CLTCL1: variants seen among roughly 807,000 people sequenced by gnomAD.
CLTCL1 encodes clathrin heavy chain like 1.
In CLTCL1, 159 loss-of-function variants were observed where a neutral mutation model predicts 190.0. That is an observed-to-expected ratio of 0.84 (90% confidence interval 0.74 to 0.95). CLTCL1 has a LOEUF of 0.95. CLTCL1 is among the 40% of genes least tolerant of loss of function. The probability of loss-of-function intolerance (pLI) is 0.00; values close to 1 mark genes in which losing one functional copy is unlikely to be tolerated. For synonymous variants in CLTCL1, 752 were observed against 769.6 expected (o/e 0.98, Z 0.38); for missense variants, 1,878 against 2,033.4 (o/e 0.92, Z 1.47).
Position 19,194,839 on chromosome 22 carries a change from G to A in CLTCL1, c.4191+1427C>T, listed in dbSNP as rs148865143. On this transcript the variant is annotated intron_variant, in intron 26 of 32. Coordinates refer to ENST00000427926, the MANE Select transcript of CLTCL1 (RefSeq NM_007098.4). ...GTGCCCCAAATACAGATTGGATGTC[G>A]TCCATCTGATTGGACCCCTGCACTG... Among the ~76,000 whole-genome samples, 700 of 152,264 alleles carry A rather than the reference G, an allele frequency of 4.6e-3. 5 individuals are homozygous for A. Among genetic ancestry groups the A allele is most frequent in the African/African-American group, 0.016 (655 of 41,542 alleles).
intron 26 of CLTCL1, among the ~76,000 whole-genome samples, chr22:19,194,928 GTA>G (rs2084648345): frequency 6.6e-6 from 1 of 152,214 alleles, no homozygotes; most frequent in African/African-American, 2.4e-5. Flanking sequence ...ACGGCAGGGT[GTA>G]GTAGAAGCAT....
intron 2 of CLTCL1, among the ~76,000 whole-genome samples, chr22:19,270,455 C>T (rs948554098): frequency 2.0e-5 from 3 of 150,824 alleles, no homozygotes; most frequent in Non-Finnish European, 2.9e-5. Context: ...TGGTCGGGCA[C>T]GGTGGCTCAT....
At chr22:19,202,511 G>GTCAT (rs1555940409) in intron 22 of CLTCL1, among the ~76,000 whole-genome samples, 3 of 35,678 alleles carry the variant, frequency 8.4e-5, no homozygotes, top group Admixed American at 4.2e-4. Context: ...CCCTCCTTCC[G>GTCAT]CCATCACGGC....
intron 18 of CLTCL1, among the ~76,000 whole-genome samples, chr22:19,218,080 G>A (rs1453603406): frequency 1.3e-5 from 2 of 152,192 alleles, no homozygotes; most frequent in Non-Finnish European, 2.9e-5. Flanking sequence ...GATTACAGGA[G>A]CATTGCAGTT....
At chr22:19,196,798 A>G (rs2084724873) in intron 24 of CLTCL1, 142 bp from the exon 25 acceptor site, 2 of 890,682 alleles carry the variant, frequency 2.2e-6, no homozygotes, top group Admixed American at 2.7e-5. Flanking sequence ...ACGTGTATAC[A>G]TACTGTGCTA....
At chr22:19,254,500 T>A (rs2086690940) in intron 2 of CLTCL1, among the ~76,000 whole-genome samples, 2 of 152,236 alleles carry the variant, frequency 1.3e-5, no homozygotes, top group Admixed American at 6.5e-5. Flanking sequence ...AGAAATTAGT[T>A]CTACTGAAGC....
chr22:19,278,129 T>C (rs1343180468), intron 1 of CLTCL1, among the ~76,000 whole-genome samples: 4 of 152,160 alleles, frequency 2.6e-5, no homozygotes, highest in Non-Finnish European at 5.9e-5. Context: ...GGGACCTCCA[T>C]GTGTTCAGCT....
chr22:19,186,550 C>G (rs1402975691), intron 29 of CLTCL1, among the ~76,000 whole-genome samples: 1 of 152,128 alleles, frequency 6.6e-6, no homozygotes, highest in Non-Finnish European at 1.5e-5. Flanking sequence ...CAGGTGCACA[C>G]AACCGTACCC....
At chr22:19,211,392 G>A (rs117761128) in intron 19 of CLTCL1, among the ~76,000 whole-genome samples, 83 of 152,260 alleles carry the variant, frequency 5.5e-4, no homozygotes, top group Non-Finnish European at 9.8e-4. Context: ...TGGAGGTTCT[G>A]GTTAAGGCAT....
In CLTCL1 at chr22:19,259,402, G is replaced by GAAC. The variant is rs1229805326; in HGVS notation, c.251-5178_251-5176dup. Among the ~76,000 whole-genome samples, 3 of 151,412 alleles carry GAAC rather than the reference G, an allele frequency of 2.0e-5. No homozygotes were observed. The East Asian group carries it at 5.8e-4, about 29-fold the overall frequency. On this transcript the variant is annotated intron_variant, in intron 2 of 32. Transcript: ENST00000427926. Reference sequence around the variant, plus strand: ...ATTACAGGCGTTTTTTTTGTTTTGTGAACAACAACAACAAAAAAAATCAAA... The same window carrying GAAC: ...ATTACAGGCGTTTTTTTTGTTTTGTGAACAACAACAACAACAAAAAAAATCAAA...
chr22:19,221,829 G>A lies in CLTCL1; in HGVS notation c.2561+122C>T. On this transcript the variant is annotated intron_variant, in intron 16 of 32. Coordinates refer to ENST00000427926, the MANE Select transcript of CLTCL1 (RefSeq NM_007098.4). ...CAGTACCAATAGCAAGTAACTCATT[G>A]CTACATCTAAGATGTGTACATGAAC... 8 of 1,143,520 alleles carry A rather than the reference G, an allele frequency of 7.0e-6. No homozygotes were observed. The South Asian group carries it at 1.2e-4, about 18-fold the overall frequency. The allele number at this position is 1,143,520 out of a possible 1,614,324, so 70.8% of individuals were successfully genotyped here.
chr22:19,245,838 A>T, intron 3 of CLTCL1, among the ~76,000 whole-genome samples: 1 of 152,202 alleles, frequency 6.6e-6, no homozygotes, highest in Non-Finnish European at 1.5e-5. Context: ...ATGTATCAGT[A>T]CTTCATTTTT....
chr22:19,220,006 A>T lies in CLTCL1; in HGVS notation c.2798T>A (p.Val933Glu), dbSNP rs1555951508. Residue 933 changes from valine to glutamate, a missense_variant and splice_region_variant, in exon 18 of 33, where the codon GTG becomes GAG. Coordinates refer to ENST00000427926, the MANE Select transcript of CLTCL1 (RefSeq NM_007098.4). ...TTTGAACAGAGAATTCTCATTGCAC[A>T]CCTGAAATGAGCACACTCATGTGTG... ...RGQCDLELIK[V>E]CNENSLFKSE... 3.1e-6 allele frequency: 5 copies of T among 1,613,906 alleles called. No individual in the cohort carries two copies. The highest frequency in any genetic ancestry group is 3.4e-6 in the Non-Finnish European group (4 of 1,179,894).
chr22:19,217,169 C>A (rs1163097595), intron 18 of CLTCL1, among the ~76,000 whole-genome samples: 1 of 152,092 alleles, frequency 6.6e-6, no homozygotes, highest in African/African-American at 2.4e-5. Flanking sequence ...GTAGTAACTA[C>A]AACAAGGAGG....
intron 26 of CLTCL1, among the ~76,000 whole-genome samples, chr22:19,192,501 G>T (rs1316875403): frequency 6.6e-6 from 1 of 152,166 alleles, no homozygotes; most frequent in Non-Finnish European, 1.5e-5. Flanking sequence ...TGAGTGTGGG[G>T]GTCCCGGGAT....
intron 2 of CLTCL1, among the ~76,000 whole-genome samples, chr22:19,272,634 C>T (rs2087359493): frequency 6.6e-6 from 1 of 152,118 alleles, no homozygotes; most frequent in Non-Finnish European, 1.5e-5. Context: ...CCACGCCCAG[C>T]TAATTTTTGT....
At chr22:19,243,697 C>CTTTTTTTTTTTTTTTTTTTTTTTT (rs1175325908) in intron 3 of CLTCL1, among the ~76,000 whole-genome samples, 2 of 107,898 alleles carry the variant, frequency 1.9e-5, no homozygotes, top group Admixed American at 1.2e-4. Context: ...TTCTTTCTTT[C>CTTTTTTTTTTTTTTTTTTTTTTTT]TTTTTTTTTT....
chr22:19,201,214 A>G, intron 23 of CLTCL1, 115 bp downstream of exon 23: 2 of 1,269,442 alleles, frequency 1.6e-6, no homozygotes, highest in Non-Finnish European at 2.1e-6. Flanking sequence ...CCAAGGGTTC[A>G]GACCCCTGCC....
At position 19,233,636 on chromosome 22, in the gene CLTCL1, G is replaced by GA. The variant is rs782732246; in HGVS notation, c.1168-15dup. On this transcript the variant is annotated splice_polypyrimidine_tract_variant and intron_variant, in intron 7 of 32. Coordinates refer to ENST00000427926, the MANE Select transcript of CLTCL1 (RefSeq NM_007098.4). ...ACGCAGGATTCCCTAATAATAAATGGAAAAATAGGTCATTGTGTTGTAATC... is the reference window on the plus strand; with the variant it reads ...ACGCAGGATTCCCTAATAATAAATGGAAAAAATAGGTCATTGTGTTGTAATC... 7.7e-5 allele frequency: 123 copies of GA among 1,607,596 alleles called. No homozygotes were observed. The South Asian group carries it at 1.3e-3, about 16-fold the overall frequency.
Sources: gnomAD v4.1 joint callset for allele counts (sites outside exome capture counted in the v4.1 genomes callset) on GRCh38, gnomAD v4.1.1 for gene constraint, MANE v1.5 for transcripts, NCBI Gene and HGNC (gene_info 2026-07-23, HGNC 2026-07-21) for gene names.